CENPC: variants seen among roughly 807,000 people sequenced by gnomAD.
CENPC encodes the protein centromere protein C, also known as CENP-C 1.
Under a neutral mutation model 112.1 loss-of-function variants are expected in CENPC, and 63 were observed. The observed-to-expected ratio is 0.56, with a 90% CI of 0.46 to 0.69. The LOEUF (loss-of-function observed/expected upper bound fraction) is 0.69. Ranked by LOEUF, CENPC falls within the 30% of genes least tolerant of loss-of-function variation. The pLI is 0.00. For missense variants in CENPC, 1,000 were observed against 1,103.8 expected, an observed-to-expected ratio of 0.91 and a Z score of 1.33; for synonymous variants, 333 against 367.6, an observed-to-expected ratio of 0.91 and a Z score of 1.08.
At chr4:67,510,863 A>G in intron 9 of CENPC, 1 of 379,084 alleles carries the variant, frequency 2.6e-6, no homozygotes, top group Non-Finnish European at 5.2e-6. Context: ...CACTTTTTCG[A>G]CTCCCAGCTT....
chr4:67,531,095 G>A (rs543808074), intron 4 of CENPC, among the ~76,000 whole-genome samples, 181 bp from the exon 5 acceptor site: 154 of 151,944 alleles, frequency 1.0e-3, no homozygotes, highest in Non-Finnish European at 1.9e-3. Context: ...AAACAATCTG[G>A]CATTATTCAG....
intron 1 of CENPC, among the ~76,000 whole-genome samples, chr4:67,544,707 A>G (rs1043984855): frequency 3.9e-5 from 6 of 152,202 alleles, no homozygotes; most frequent in South Asian, 2.1e-4. Flanking sequence ...TGTCGCCCCC[A>G]TTAGTCATTC....
chr4:67,508,658 C>T (rs559146508), intron 10 of CENPC, among the ~76,000 whole-genome samples, 156 bp downstream of exon 10: 1 of 152,008 alleles, frequency 6.6e-6, no homozygotes, highest in South Asian at 2.1e-4. Context: ...GCCTGTGTGT[C>T]ATCCAGCTAA....
At chr4:67,542,603 A>T (rs1048740342) in intron 2 of CENPC, among the ~76,000 whole-genome samples, 9 of 152,162 alleles carry the variant, frequency 5.9e-5, no homozygotes, top group Non-Finnish European at 1.2e-4. Context: ...AGGGTGATGG[A>T]GGTAATTCTG....
At chr4:67,485,818 C>G (rs1189169177) in intron 17 of CENPC, among the ~76,000 whole-genome samples, 2 of 152,104 alleles carry the variant, frequency 1.3e-5, no homozygotes, top group African/African-American at 2.4e-5. Flanking sequence ...ACAGCGACTA[C>G]TTTAGTAGCT....
intron 17 of CENPC, among the ~76,000 whole-genome samples, chr4:67,486,537 T>C (rs1725099075): frequency 6.6e-6 from 1 of 152,202 alleles, no homozygotes; most frequent in Non-Finnish European, 1.5e-5. Context: ...TCTCAATCAA[T>C]ATTAGCGGTT....
chr4:67,525,592 AGAG>A (rs1726353132), intron 5 of CENPC, among the ~76,000 whole-genome samples: 1 of 152,236 alleles, frequency 6.6e-6, no homozygotes. Context: ...ACTGGTCATT[AGAG>A]GAATGCAAAT....
chr4:67,489,227 C>CAG (rs1360914210), intron 17 of CENPC, among the ~76,000 whole-genome samples: 1 of 151,280 alleles, frequency 6.6e-6, no homozygotes, highest in East Asian at 1.9e-4. Context: ...CACACATACA[C>CAG]ACATATAAAA....
intron 12 of CENPC, among the ~76,000 whole-genome samples, chr4:67,497,386 A>T (rs947884276): frequency 6.6e-6 from 1 of 152,166 alleles, no homozygotes; most frequent in African/African-American, 2.4e-5. Flanking sequence ...TTAAAAAAAA[A>T]TTTAAAAATA....
At chr4:67,528,738 G>A (rs1726457596) in intron 5 of CENPC, among the ~76,000 whole-genome samples, 1 of 152,140 alleles carries the variant, frequency 6.6e-6, no homozygotes, top group Non-Finnish European at 1.5e-5. Flanking sequence ...CACTTGGCTT[G>A]TTTATACCTT....
At position 67,493,897 on chromosome 4, in the gene CENPC, T is replaced by C. The variant is rs17854081; in HGVS notation, c.2277A>G (p.Gln759=). Residue 759 remains glutamine (Q), a synonymous_variant, in exon 14 of 19, where the codon CAA becomes CAG. Coordinates refer to ENST00000273853, the MANE Select transcript of CENPC (RefSeq NM_001812.4). ...EYWRGERIDY[Q]GRPSGGFVIS... ...AATAAGTTTTACCTGATGGCCTTCC[T>C]TGATAATCTATTCGCTCTCCTCGCC... 6 of 1,611,204 alleles carry C rather than the reference T, an allele frequency of 3.7e-6. No individual in the cohort carries two copies. In the African/African-American group the frequency reaches 8.0e-5, roughly 22 times the overall value.
intron 17 of CENPC, among the ~76,000 whole-genome samples, chr4:67,477,054 T>C (rs542726240): frequency 6.6e-6 from 1 of 152,094 alleles, no homozygotes; most frequent in South Asian, 2.1e-4. Context: ...ACCTAATCAA[T>C]CCTACCTGCA....
At chr4:67,508,316 A>G (rs990919895) in intron 10 of CENPC, among the ~76,000 whole-genome samples, 2 of 151,968 alleles carry the variant, frequency 1.3e-5, no homozygotes, top group African/African-American at 4.8e-5. Context: ...CGTTCAAGAC[A>G]AGCCTAGGCA....
At chr4:67,536,196 T>C (rs1195744625) in intron 4 of CENPC, among the ~76,000 whole-genome samples, 1 of 152,132 alleles carries the variant, frequency 6.6e-6, no homozygotes, top group Non-Finnish European at 1.5e-5. Context: ...AGGAAGATCA[T>C]GAAGTTGACT....
At chr4:67,540,081 A>C in intron 3 of CENPC, 147 bp from the exon 4 acceptor site, 1 of 483,414 alleles carries the variant, frequency 2.1e-6, no homozygotes, top group East Asian at 3.6e-5. Context: ...ACCTCAATTT[A>C]ATATTCAAAT....
In CENPC at chr4:67,512,468, T is replaced by C. The variant is rs1241802674; in HGVS notation, c.1546A>G (p.Thr516Ala). The change falls in exon 9 of 19, where the codon ACT becomes GCT. Residue 516 changes from threonine to alanine, a missense_variant. Coordinates refer to ENST00000273853, the MANE Select transcript of CENPC (RefSeq NM_001812.4). ...NKLVPEEVTSTVTKSRRISRR... is the reference protein window; with the variant it reads ...NKLVPEEVTSAVTKSRRISRR... ...GAAATTCTTCGACTTTTCGTGACAG[T>C]TGAAGTCACTTCTTCAGGTACAAGT... is the stretch of plus-strand genomic sequence containing the variant. The C allele has an allele frequency of 6.2e-7, 1 of 1,600,658 alleles. No homozygotes were observed. Among genetic ancestry groups the C allele is most frequent in the South Asian group, 1.1e-5 (1 of 88,294 alleles).
Position 67,545,325 on chromosome 4 carries a change from G to A in CENPC, c.18+13C>T, listed in dbSNP as rs780432951. 2.7e-6 allele frequency: 4 copies of A among 1,502,352 alleles called. No individual in the cohort carries two copies. The Admixed American group carries it at 6.5e-5, about 24-fold the overall frequency. 93.1% of individuals were successfully genotyped at this position (1,502,352 alleles called of 1,614,324 possible). A position where few individuals can be genotyped will look rare whatever the true frequency, so the allele number is the denominator to read the frequency against. ...GCTCAACCACTCGCCTGGAGCGGGG[G>A]GCCTGCACTTACCAGACCGGACGCA... On this transcript the variant is annotated intron_variant, in intron 1 of 18. Coordinates refer to ENST00000273853, the MANE Select transcript of CENPC (RefSeq NM_001812.4).
chr4:67,490,360 C>T lies in CENPC; in HGVS notation c.2516-239G>A, dbSNP rs377137113. ...TCTCACTGTGCCTCAATTTCCTTTT[C>T]GATAAAATTAAATAATAATAAGTTC... On this transcript the variant is annotated intron_variant, in intron 16 of 18. Transcript: ENST00000273853. Among the ~76,000 whole-genome samples, 41 of 152,026 alleles carry T rather than the reference C, an allele frequency of 2.7e-4. 1 individual carries two copies. In the East Asian group the frequency reaches 3.9e-3, roughly 14 times the overall value.
intron 17 of CENPC, among the ~76,000 whole-genome samples, chr4:67,486,638 T>A (rs1411433660): frequency 2.6e-5 from 4 of 152,180 alleles, no homozygotes; most frequent in Non-Finnish European, 5.9e-5. Context: ...GCTACTGGAA[T>A]CTAATGAGTA....
Sources: allele counts gnomAD v4.1 joint callset (sites outside exome capture counted in the v4.1 genomes callset), GRCh38; gene constraint gnomAD v4.1.1; transcripts MANE v1.5; gene names NCBI Gene and HGNC (gene_info 2026-07-23, HGNC 2026-07-21).